Variants in CDH12 observed in about 807,000 individuals in gnomAD.
CDH12 encodes cadherin 12.
CDH12 carries 41 observed loss-of-function variants against 74.1 expected under a neutral mutation model. That is an observed-to-expected ratio of 0.55 (90% CI 0.43 to 0.72). The LOEUF is 0.72. Among genes scored for constraint, CDH12 ranks in the 30% least tolerant of loss-of-function variants. The pLI is 0.00. For synonymous variants in CDH12, 399 were observed against 355.0 expected (o/e 1.12, Z -1.39); for missense variants, 945 against 977.2 (o/e 0.97, Z 0.44).
chr5:21,809,510 T>C (rs2149934402), intron 9 of CDH12, among the ~76,000 whole-genome samples: 1 of 152,264 alleles, frequency 6.6e-6, no homozygotes, highest in East Asian at 1.9e-4. Flanking sequence ...TCTAAACATA[T>C]ACTATGATTT....
intron 5 of CDH12, among the ~76,000 whole-genome samples, chr5:22,038,058 C>G (rs938893640): frequency 6.6e-5 from 10 of 152,186 alleles, no homozygotes; most frequent in Admixed American, 6.5e-4. Flanking sequence ...CTTCTGGAGT[C>G]CATACCACTG....
At chr5:21,834,399 T>C (rs1180422589) in intron 8 of CDH12, among the ~76,000 whole-genome samples, 1 of 151,896 alleles carries the variant, frequency 6.6e-6, no homozygotes, top group Non-Finnish European at 1.5e-5. Flanking sequence ...AGATTAAAAA[T>C]ATTAGTAATG....
intron 1 of CDH12, among the ~76,000 whole-genome samples, chr5:22,693,336 C>G (rs1742182649): frequency 1.3e-5 from 2 of 152,174 alleles, no homozygotes; most frequent in African/African-American, 4.8e-5. Flanking sequence ...AAAAAAGAAG[C>G]CTCACTGCCT....
chr5:22,758,349 C>T (rs952687789), intron 1 of CDH12, among the ~76,000 whole-genome samples: 4 of 152,176 alleles, frequency 2.6e-5, no homozygotes, highest in African/African-American at 9.7e-5. Flanking sequence ...TCTGGCGAAG[C>T]ATCTCTAAAG....
At chr5:21,847,762 A>G (rs186732713) in intron 7 of CDH12, among the ~76,000 whole-genome samples, 380 of 152,206 alleles carry the variant, frequency 2.5e-3, no homozygotes, top group Non-Finnish European at 4.0e-3. Flanking sequence ...TACTTGGGCA[A>G]TCACTGTTCT....
intron 4 of CDH12, among the ~76,000 whole-genome samples, chr5:22,079,979 G>A (rs1188529477): frequency 4.0e-5 from 6 of 151,820 alleles, no homozygotes; most frequent in Admixed American, 3.9e-4. Context: ...ATTGCACTGA[G>A]GTCTAAAGGA....
intron 1 of CDH12, among the ~76,000 whole-genome samples, chr5:22,575,634 G>A (rs768769034): frequency 3.9e-5 from 6 of 151,964 alleles, no homozygotes; most frequent in Admixed American, 6.6e-5. Context: ...TTGCGATCTC[G>A]GATCACTACA....
intron 3 of CDH12, among the ~76,000 whole-genome samples, chr5:22,232,377 C>A (rs1284774984): frequency 6.6e-6 from 1 of 151,498 alleles, no homozygotes; most frequent in East Asian, 1.9e-4. Context: ...AGTATTATGC[C>A]TTCTAAAAAT....
chr5:22,518,836 T>C (rs779327349), intron 1 of CDH12, among the ~76,000 whole-genome samples: 3 of 152,144 alleles, frequency 2.0e-5, no homozygotes, highest in Non-Finnish European at 4.4e-5. Context: ...TATCACTACA[T>C]TGATTGGAAA....
At chr5:21,856,160 TA>T (rs2150002502) in intron 6 of CDH12, among the ~76,000 whole-genome samples, 1 of 151,734 alleles carries the variant, frequency 6.6e-6, no homozygotes, top group African/African-American at 2.4e-5. Context: ...TCACTATCAT[TA>T]AACACAATTT....
intron 3 of CDH12, among the ~76,000 whole-genome samples, chr5:22,271,624 T>G (rs945496382): frequency 6.6e-6 from 1 of 152,188 alleles, no homozygotes; most frequent in Admixed American, 6.6e-5. Flanking sequence ...GTGAGATATT[T>G]CTTAAATAAT....
intron 6 of CDH12, among the ~76,000 whole-genome samples, chr5:21,865,988 G>T (rs1159574999): frequency 6.6e-6 from 1 of 152,180 alleles, no homozygotes; most frequent in African/African-American, 2.4e-5. Context: ...TCACCATACT[G>T]TTCTCATGGT....
chr5:22,456,287 TA>T lies in CDH12; in HGVS notation c.-428+48982del, dbSNP rs143557058. 3.2e-3 allele frequency among the ~76,000 whole-genome samples: 482 copies of T among 151,378 alleles called. 2 individuals are homozygous for T. The highest frequency in any genetic ancestry group is 0.011 in the African/African-American group (469 of 41,244). On this transcript the variant is annotated intron_variant, in intron 2 of 14. Transcript: ENST00000382254. Reference sequence around the variant, plus strand: ...GTGTGTGTGTGTAATCAACTCTTAATAAAGTCTGTGTTTAACAATAACCTCG... The same window carrying T: ...GTGTGTGTGTGTAATCAACTCTTAATAAGTCTGTGTTTAACAATAACCTCG...
intron 3 of CDH12, among the ~76,000 whole-genome samples, chr5:22,265,142 A>C (rs1422542229): frequency 6.6e-6 from 1 of 152,216 alleles, no homozygotes; most frequent in East Asian, 1.9e-4. Context: ...TATGAGAATC[A>C]GTCTTGGACA....
intron 5 of CDH12, among the ~76,000 whole-genome samples, chr5:22,060,602 G>A (rs6452046): frequency 0.38 from 58,004 of 152,030 alleles, 14,250 homozygotes; most frequent in African/African-American, 0.7. Context: ...CTAAGTCACA[G>A]CACTATGTGG....
At chr5:22,027,854 T>C (rs555504610) in intron 5 of CDH12, among the ~76,000 whole-genome samples, 4 of 152,314 alleles carry the variant, frequency 2.6e-5, no homozygotes, top group East Asian at 3.9e-4. Context: ...TGCCTTCTGC[T>C]AGCTTTCGAA....
chr5:22,159,910 T>C (rs1748228283), intron 4 of CDH12, among the ~76,000 whole-genome samples: 1 of 152,158 alleles, frequency 6.6e-6, no homozygotes, highest in African/African-American at 2.4e-5. Flanking sequence ...AAAATGTGTC[T>C]GTGTGCGTGT....
At chr5:21,807,912 T>C (rs1327452116) in intron 9 of CDH12, among the ~76,000 whole-genome samples, 1 of 152,020 alleles carries the variant, frequency 6.6e-6, no homozygotes, top group Non-Finnish European at 1.5e-5. Flanking sequence ...AGATTTTACT[T>C]GAGAGGTGTG....
chr5:22,441,424 T>G (rs1008808907), intron 2 of CDH12, among the ~76,000 whole-genome samples: 2 of 152,158 alleles, frequency 1.3e-5, no homozygotes, highest in African/African-American at 4.8e-5. Context: ...TAAAGAAGAA[T>G]GTGGCAATAT....
Sources: allele counts gnomAD v4.1 joint callset (sites outside exome capture counted in the v4.1 genomes callset), GRCh38; gene constraint gnomAD v4.1.1; transcripts MANE v1.5; gene names NCBI Gene and HGNC (gene_info 2026-07-23, HGNC 2026-07-21).